The following RALGPS2 variants were observed in gnomAD, a reference collection of about 807,000 sequenced individuals.
RALGPS2 encodes the protein ras-specific guanine nucleotide-releasing factor RalGPS2.
In RALGPS2, 43 loss-of-function variants were observed where a neutral mutation model predicts 86.8. That is an observed-to-expected ratio of 0.50 (90% confidence interval 0.39 to 0.64). The LOEUF is 0.64. Among genes scored for constraint, RALGPS2 ranks in the 30% least tolerant of loss-of-function variants. The pLI, the probability that RALGPS2 is intolerant of heterozygous loss-of-function variation, is 0.00. For missense variants in RALGPS2, 536 were observed against 694.6 expected (o/e 0.77, Z 2.57); for synonymous variants, 243 against 231.3 (o/e 1.05, Z -0.46).
chr1:178,788,754 C>G (rs919982421), intron 4 of RALGPS2, among the ~76,000 whole-genome samples: 40 of 152,016 alleles, frequency 2.6e-4, no homozygotes, highest in African/African-American at 8.7e-4. Context: ...GTGACATTTT[C>G]CGCGTTAGGT....
At chr1:178,854,245 G>C (rs542720989) in intron 8 of RALGPS2, among the ~76,000 whole-genome samples, 1 of 152,102 alleles carries the variant, frequency 6.6e-6, no homozygotes, top group Non-Finnish European at 1.5e-5. Context: ...CTGAGGGATC[G>C]ATCTACTGGA....
chr1:178,818,899 C>T (rs1655360012), intron 6 of RALGPS2, among the ~76,000 whole-genome samples: 1 of 151,892 alleles, frequency 6.6e-6, no homozygotes, highest in Admixed American at 6.6e-5. Flanking sequence ...TGTTTTCTTG[C>T]CATTATGGCT....
intron 17 of RALGPS2, 87 bp downstream of exon 17, chr1:178,897,843 T>A: frequency 9.0e-7 from 1 of 1,113,128 alleles, no homozygotes; most frequent in East Asian, 2.5e-5. Flanking sequence ...ATACAAAGGT[T>A]TTTTGGGTTT....
intron 6 of RALGPS2, 72 bp downstream of exon 6, chr1:178,811,476 G>A: frequency 9.2e-7 from 1 of 1,088,870 alleles, no homozygotes; most frequent in Non-Finnish European, 1.3e-6. Context: ...AAATATTCGT[G>A]ATGCTTTATT....
intron 10 of RALGPS2, among the ~76,000 whole-genome samples, chr1:178,880,605 A>T (rs1220682756): frequency 2.0e-5 from 3 of 152,186 alleles, no homozygotes; most frequent in Non-Finnish European, 2.9e-5. Flanking sequence ...ACTGACATAG[A>T]ACTCCTACCT....
intron 17 of RALGPS2, 21 bp from the exon 18 acceptor site, chr1:178,902,085 A>C: frequency 6.4e-6 from 10 of 1,567,220 alleles, no homozygotes; most frequent in Non-Finnish European, 8.8e-6. Flanking sequence ...TGTTTCCGCT[A>C]ATTATCTTTT....
chr1:178,777,357 GGA>G (rs1297069113), intron 2 of RALGPS2, among the ~76,000 whole-genome samples: 1 of 148,088 alleles, frequency 6.8e-6, no homozygotes, highest in Non-Finnish European at 1.5e-5. Context: ...ACCTCTTCAA[GGA>G]GAACTACAAA....
intron 8 of RALGPS2, among the ~76,000 whole-genome samples, chr1:178,844,108 A>T (rs1411022758): frequency 1.3e-5 from 2 of 152,218 alleles, no homozygotes; most frequent in Admixed American, 1.3e-4. Context: ...CCTAAGAACA[A>T]TTAAAAGGTA....
At chr1:178,881,019 C>A (rs1205669431) in intron 10 of RALGPS2, among the ~76,000 whole-genome samples, 1 of 152,072 alleles carries the variant, frequency 6.6e-6, no homozygotes, top group Non-Finnish European at 1.5e-5. Flanking sequence ...ATTACATTGA[C>A]ATATATTTAC....
intron 1 of RALGPS2, among the ~76,000 whole-genome samples, chr1:178,757,125 A>G (rs1426063621): frequency 6.6e-6 from 1 of 152,066 alleles, no homozygotes; most frequent in Admixed American, 6.6e-5. Flanking sequence ...TGTTGTATGG[A>G]AATGCTACTG....
At chr1:178,868,869 A>G (rs887380748) in intron 8 of RALGPS2, among the ~76,000 whole-genome samples, 3 of 152,030 alleles carry the variant, frequency 2.0e-5, no homozygotes, top group Non-Finnish European at 4.4e-5. Context: ...CTGTCACTTA[A>G]AGCAGGGCAA....
intron 9 of RALGPS2, among the ~76,000 whole-genome samples, chr1:178,878,187 A>G (rs996900065): frequency 4.6e-5 from 7 of 152,160 alleles, no homozygotes; most frequent in Admixed American, 3.9e-4. Flanking sequence ...TGACAAATAT[A>G]GAAACAGCTA....
chr1:178,753,049 T>A (rs1451557780), intron 1 of RALGPS2, among the ~76,000 whole-genome samples: 1 of 152,222 alleles, frequency 6.6e-6, no homozygotes, highest in African/African-American at 2.4e-5. Flanking sequence ...GCTTCCCACC[T>A]CTGTTTACAT....
At chr1:178,831,028 T>C (rs1274092545) in intron 7 of RALGPS2, among the ~76,000 whole-genome samples, 1 of 152,178 alleles carries the variant, frequency 6.6e-6, no homozygotes, top group Non-Finnish European at 1.5e-5. Context: ...AATATCACAA[T>C]GTTATATGAA....
At chr1:178,887,902 A>G (rs1269261911) in intron 13 of RALGPS2, among the ~76,000 whole-genome samples, 3 of 152,174 alleles carry the variant, frequency 2.0e-5, no homozygotes, top group African/African-American at 7.2e-5. Flanking sequence ...AAAATTTTCT[A>G]CACGTCCATG....
At position 178,920,453 on chromosome 1, in the gene RALGPS2, G is replaced by A. The variant is rs1286760990; in HGVS notation, c.*4094G>A. The A allele has an allele frequency of 6.6e-6, 1 of 151,954 alleles. No individual in the cohort carries two copies. The highest frequency in any genetic ancestry group is 1.9e-4 in the East Asian group (1 of 5,192). The allele number at this position is 151,954 out of a possible 1,614,324, so 9.4% of individuals were successfully genotyped here. A position where few individuals can be genotyped will look rare whatever the true frequency, so the allele number is the denominator to read the frequency against. On this transcript the variant is annotated 3_prime_UTR_variant, in exon 20 of 20. Transcript: ENST00000367635. ...CCCTCTTGCTCCTCTTATTTCAGGA[G>A]TGTGTGCTATCCCTCTCTCCACCAG...
intron 1 of RALGPS2, among the ~76,000 whole-genome samples, chr1:178,769,413 T>C (rs560470687): frequency 4.3e-4 from 64 of 148,746 alleles, no homozygotes; most frequent in African/African-American, 1.6e-3. Flanking sequence ...ATAGAAAGGG[T>C]GTAGGTTGGT....
intron 19 of RALGPS2, among the ~76,000 whole-genome samples, chr1:178,914,173 G>C (rs1038687227): frequency 2.6e-5 from 4 of 152,120 alleles, no homozygotes; most frequent in Non-Finnish European, 5.9e-5. Context: ...GCAAAGGTCA[G>C]AGCCACCTAG....
At chr1:178,824,367 T>C (rs1191867300) in intron 7 of RALGPS2, among the ~76,000 whole-genome samples, 1 of 152,090 alleles carries the variant, frequency 6.6e-6, no homozygotes, top group Admixed American at 6.5e-5. Flanking sequence ...TTTTTGGAAA[T>C]GGCATCAATG....
Sources: gnomAD v4.1 joint callset for allele counts (sites outside exome capture counted in the v4.1 genomes callset) on GRCh38, gnomAD v4.1.1 for gene constraint, MANE v1.5 for transcripts, NCBI Gene and HGNC (gene_info 2026-07-23, HGNC 2026-07-21) for gene names.